Variants in TPCN1 observed in about 807,000 individuals in gnomAD.
TPCN1 encodes two pore segment channel 1.
Under a neutral mutation model 108.8 loss-of-function variants are expected in TPCN1, and 52 were observed. The ratio of observed to expected loss-of-function variants is 0.48; its 90% CI spans 0.38 to 0.60. The LOEUF (loss-of-function observed/expected upper bound fraction) is 0.60, where lower values mean the gene tolerates loss of function less well. Ranked by LOEUF, TPCN1 falls within the 20% of genes least tolerant of loss-of-function variation. The probability of loss-of-function intolerance (pLI) is 0.00; values close to 1 mark genes in which losing one functional copy is unlikely to be tolerated. For synonymous variants in TPCN1, 446 were observed against 433.7 expected, an observed-to-expected ratio of 1.03 and a Z score of -0.35; for missense variants, 806 against 1,072.8, an observed-to-expected ratio of 0.75 and a Z score of 3.47.
In TPCN1 at chr12:113,293,395, T is replaced by A. The variant is rs1206439087; in HGVS notation, c.2334+46T>A. ...GCTGCGAATCCTCCCCCAAGCTATG[T>A]CCTGGGAGGGGCAGGGAGCTGCTCT... is the stretch of plus-strand genomic sequence containing the variant. On this transcript the variant is annotated intron_variant, in intron 27 of 27. Coordinates refer to ENST00000335509, the MANE Select transcript of TPCN1 (RefSeq NM_017901.6). 4 of 1,574,094 alleles carry A rather than the reference T, an allele frequency of 2.5e-6. No individual in the cohort carries two copies. The African/African-American group carries it at 5.4e-5, about 21-fold the overall frequency.
At chr12:113,276,785 G>C in intron 10 of TPCN1, 134 bp from the exon 11 acceptor site, 2 of 679,194 alleles carry the variant, frequency 2.9e-6, no homozygotes, top group Admixed American at 4.4e-5. Context: ...AGGTGCAGGC[G>C]AGAGGGTCTC....
In TPCN1 at chr12:113,268,002, C is replaced by A. The variant is rs369955921; in HGVS notation, c.528+46C>A. 6.9e-6 allele frequency: 9 copies of A among 1,313,222 alleles called. No individual in the cohort carries two copies. In the South Asian group the frequency reaches 8.6e-5, roughly 13 times the overall value. The allele number at this position is 1,313,222 out of a possible 1,614,324, so 81.3% of individuals were successfully genotyped here. Reference sequence around the variant, plus strand: ...TCCCTCCCCTCACAGCCTTTTCTCCCATGTCACCTTCAAACCTGTCTCTTT... The same window carrying A: ...TCCCTCCCCTCACAGCCTTTTCTCCAATGTCACCTTCAAACCTGTCTCTTT... On this transcript the variant is annotated intron_variant, in intron 5 of 27. Transcript: ENST00000335509. This position sits in a 1 kb window ranked among gnomAD's most constrained non-coding sequence, Gnocchi z 7.3.
Position 113,266,290 on chromosome 12 carries a change from C to CCTG in TPCN1, c.363_365dup (p.Leu122dup). 5.0e-6 allele frequency: 8 copies of CCTG among 1,613,200 alleles called. No individual in the cohort carries two copies. Among genetic ancestry groups the CCTG allele is most frequent in the African/African-American group, 1.3e-5 (1 of 75,056 alleles). Reference sequence around the variant, plus strand: ...TCTACCTGATGGAGCTGGCCACGGCCCTGCTGCTGCTGCTGCTCTCCCTGT... The same window carrying CCTG: ...TCTACCTGATGGAGCTGGCCACGGCCCTGCTGCTGCTGCTGCTGCTCTCCCTGT... On this transcript the variant is annotated inframe_insertion, in exon 4 of 28. Coordinates refer to ENST00000335509, the MANE Select transcript of TPCN1 (RefSeq NM_017901.6). The surrounding 1 kb of genome is among the most constrained non-coding windows in gnomAD (Gnocchi z 4.2).
Position 113,229,911 on chromosome 12 carries a change from G to A in TPCN1, c.112+2947G>A, listed in dbSNP as rs149867591. Among the ~76,000 whole-genome samples, 634 of 152,298 alleles carry A rather than the reference G, an allele frequency of 4.2e-3. 9 individuals are homozygous for A. The highest frequency in any genetic ancestry group is 0.013 in the African/African-American group (552 of 41,564). The stretch of plus-strand genomic sequence containing the variant: ...GGCAAGCTCTTCAGCTGGCAACGAA[G>A]CCTTGCGTGTTCTAGTGCCTTCTTG... On this transcript the variant is annotated intron_variant, in intron 2 of 27. Transcript: ENST00000335509.
rs1593202649 is a variant in TPCN1 at position 113,287,261 on chromosome 12, G to T, written c.1634+167G>T. On this transcript the variant is annotated intron_variant, in intron 19 of 27. Coordinates refer to ENST00000335509, the MANE Select transcript of TPCN1 (RefSeq NM_017901.6). ...TGGGGTCAACATCCCCACCCCTGAGGGTGTGCAGGCTGCCTGTGCCCTTCC... is the reference window on the plus strand; with the variant it reads ...TGGGGTCAACATCCCCACCCCTGAGTGTGTGCAGGCTGCCTGTGCCCTTCC... The T allele has an allele frequency of 6.5e-6, 4 of 618,090 alleles. No individual in the cohort carries two copies. The East Asian group carries it at 1.1e-4, about 17-fold the overall frequency. 38.3% of individuals were successfully genotyped at this position (618,090 alleles called of 1,614,324 possible). A position where few individuals can be genotyped will look rare whatever the true frequency, so the allele number is the denominator to read the frequency against.
chr12:113,251,585 G>C (rs962795182), intron 2 of TPCN1, among the ~76,000 whole-genome samples: 3 of 151,898 alleles, frequency 2.0e-5, no homozygotes, highest in South Asian at 2.2e-4. Context: ...GCTGTCCCGT[G>C]GGGGGGCTCC....
intron 13 of TPCN1, 98 bp from the exon 14 acceptor site, chr12:113,278,674 T>G (rs1250979558): frequency 2.1e-6 from 2 of 946,420 alleles, no homozygotes; most frequent in Non-Finnish European, 1.7e-6. Flanking sequence ...TTCCCCAGTT[T>G]AGCAGGGTGA....
chr12:113,295,995 G>A lies in TPCN1; in HGVS notation c.2370G>A (p.Gln790=), dbSNP rs749436906. 6 of 1,612,038 alleles carry A rather than the reference G, an allele frequency of 3.7e-6. No homozygotes were observed. The highest frequency in any genetic ancestry group is 3.3e-5 in the Admixed American group (2 of 59,778). Reference sequence around the variant, plus strand: ...AGGAGCATGCCAGGGAGCAAGAGCAGCAGCGACAACTCAGCAGCAGTGCAG... The same window carrying A: ...AGGAGCATGCCAGGGAGCAAGAGCAACAGCGACAACTCAGCAGCAGTGCAG... ...WYEEHAREQE[Q]QRQLSSSAAP... is the part of the protein sequence containing the mutation. Residue 790 remains glutamine (Q), a synonymous_variant, in exon 28 of 28, where the codon CAG becomes CAA. Transcript: ENST00000335509.
intron 3 of TPCN1, among the ~76,000 whole-genome samples, chr12:113,261,274 C>T (rs1955019840): frequency 1.3e-5 from 2 of 151,946 alleles, no homozygotes; most frequent in African/African-American, 4.8e-5. Context: ...AAGAAACATT[C>T]ACCTAAGGCA....
chr12:113,240,131 C>T (rs1375069849), intron 2 of TPCN1, among the ~76,000 whole-genome samples: 1 of 152,206 alleles, frequency 6.6e-6, no homozygotes, highest in Non-Finnish European at 1.5e-5. Context: ...AGTCTGGTAG[C>T]TTCAACAGGG....
intron 1 of TPCN1, among the ~76,000 whole-genome samples, chr12:113,225,655 A>G (rs1953443006): frequency 6.6e-6 from 1 of 152,038 alleles, no homozygotes; most frequent in African/African-American, 2.4e-5. Flanking sequence ...TCCGGGTTCA[A>G]GCGATTCTCC....
chr12:113,222,109 A>C (rs1460390903), intron 1 of TPCN1, among the ~76,000 whole-genome samples: 2 of 152,188 alleles, frequency 1.3e-5, no homozygotes, highest in Non-Finnish European at 2.9e-5. Context: ...ACCAGGACGC[A>C]GGAGTCCCGG....
At chr12:113,245,737 C>T (rs1954355053) in intron 2 of TPCN1, among the ~76,000 whole-genome samples, 1 of 152,170 alleles carries the variant, frequency 6.6e-6, no homozygotes. Context: ...CGATCTCTGG[C>T]CCAGGCACCA....
chr12:113,276,961 C>T lies in TPCN1; in HGVS notation c.985C>T (p.Arg329Cys), dbSNP rs746137834. ...CGACACCTTCAATGACATTGAGAAA[C>T]GCAAGTTCAAGTCTTTGCTACTGCA... The part of the protein sequence containing the change: ...VFDTFNDIEK[R>C]KFKSLLLHKR... Residue 329 changes from arginine (R) to cysteine (C), a missense_variant, in exon 11 of 28, where the codon CGC (arginine) becomes TGC (cysteine). Physicochemically the swap from Arg to Cys is radical, Grantham distance 180 (BLOSUM62 -3). Transcript: ENST00000335509. 5 of 1,614,046 alleles carry T rather than the reference C, an allele frequency of 3.1e-6. No homozygotes were observed. Among genetic ancestry groups the T allele is most frequent in the Middle Eastern group, 1.7e-4 (1 of 6,054 alleles).
chr12:113,231,639 G>A lies in TPCN1; in HGVS notation c.112+4675G>A, dbSNP rs1953689984. Among the ~76,000 whole-genome samples, 3 of 152,100 alleles carry A rather than the reference G, an allele frequency of 2.0e-5. No individual in the cohort carries two copies. The highest frequency in any genetic ancestry group is 7.2e-5 in the African/African-American group (3 of 41,398). On this transcript the variant is annotated intron_variant, in intron 2 of 27. Coordinates refer to ENST00000335509, the MANE Select transcript of TPCN1 (RefSeq NM_017901.6). The surrounding 1 kb of genome is among the most constrained non-coding windows in gnomAD (Gnocchi z 4.3). Reference sequence around the variant, plus strand: ...CCTGTGACCTTTAACCCTATGTGAGGGCCTTATCCCTGCAGGAAACTGGAG... The same window carrying A: ...CCTGTGACCTTTAACCCTATGTGAGAGCCTTATCCCTGCAGGAAACTGGAG...
chr12:113,254,622 T>C (rs1954768592), intron 2 of TPCN1, among the ~76,000 whole-genome samples: 1 of 152,222 alleles, frequency 6.6e-6, no homozygotes, highest in African/African-American at 2.4e-5. Context: ...GTATTTCCGA[T>C]TTTTAATTTT....
rs1186995627 is a variant in TPCN1, at chr12:113,279,359, GTATATATATATA to G, written c.1297+546_1297+557del. Among the ~76,000 whole-genome samples, 183 of 41,004 alleles carry G rather than the reference GTATATATATATA, an allele frequency of 4.5e-3. 5 individuals carry two copies. The highest frequency in any genetic ancestry group is 0.021 in the African/African-American group (171 of 8,176). The allele number at this position is 41,004 out of a possible 152,430, so 26.9% of individuals were successfully genotyped here. ...TGTGTATATATATGTGTGTGTGTGTGTATATATATATATATATATATATATATATATATTTTT... is the reference window on the plus strand; with the variant it reads ...TGTGTATATATATGTGTGTGTGTGTGTATATATATATATATATATATTTTT... On this transcript the variant is annotated intron_variant, in intron 14 of 27. Transcript: ENST00000335509.
In TPCN1 at chr12:113,278,948, T is replaced by C. The variant is rs1003251379; in HGVS notation, c.1297+113T>C. 4 of 884,208 alleles carry C rather than the reference T, an allele frequency of 4.5e-6. No individual in the cohort carries two copies. The African/African-American group carries it at 6.7e-5, about 15-fold the overall frequency. The allele number at this position is 884,208 out of a possible 1,614,324, so 54.8% of individuals were successfully genotyped here. A position where few individuals can be genotyped will look rare whatever the true frequency, so the allele number is the denominator to read the frequency against. On this transcript the variant is annotated intron_variant, in intron 14 of 27. Coordinates refer to ENST00000335509, the MANE Select transcript of TPCN1 (RefSeq NM_017901.6). ...CAGAGGGGTGTGTGTGTGTGTGTGT[T>C]TGTCTGAATGCCTGTGTGAAGAGAC...
chr12:113,272,515 C>G lies in TPCN1; in HGVS notation c.749-143C>G, dbSNP rs114894561. On this transcript the variant is annotated intron_variant, in intron 7 of 27. Transcript: ENST00000335509. The surrounding 1 kb of genome is among the most constrained non-coding windows in gnomAD (Gnocchi z 4.1). ...TCCCTTCCAACAGAGCATGTGTTCT[C>G]AGGGTGCTGTGGTCCCCAGCAGTCC... 2.6e-6 allele frequency: 2 copies of G among 777,922 alleles called. No homozygotes were observed. The highest frequency in any genetic ancestry group is 4.6e-6 in the Non-Finnish European group (2 of 435,926). 48.2% of individuals were successfully genotyped at this position (777,922 alleles called of 1,614,324 possible). A position where few individuals can be genotyped will look rare whatever the true frequency, so the allele number is the denominator to read the frequency against.
Sources: allele counts gnomAD v4.1 joint callset (sites outside exome capture counted in the v4.1 genomes callset), GRCh38; gene constraint gnomAD v4.1.1; non-coding constraint Gnocchi (gnomAD v3.1); transcripts MANE v1.5; gene names NCBI Gene and HGNC (gene_info 2026-07-23, HGNC 2026-07-21).